Variants in WWOX observed in about 807,000 individuals in gnomAD.
WWOX encodes the protein WW domain containing oxidoreductase.
WWOX carries 69 observed loss-of-function variants against 46.2 expected under a neutral mutation model. The ratio of observed to expected loss-of-function variants is 1.49; its 90% CI spans 1.23 to 1.82. WWOX has a LOEUF of 1.82. Ranked by LOEUF, WWOX falls within the 40% of genes most tolerant of loss-of-function variation. The probability of loss-of-function intolerance (pLI) is 0.00; values close to 1 mark genes in which losing one functional copy is unlikely to be tolerated. For synonymous variants in WWOX, 359 were observed against 202.6 expected (o/e 1.77, Z -6.56); for missense variants, 919 against 542.6 (o/e 1.69, Z -6.89).
chr16:79,056,093 A>C (rs887517171), intron 8 of WWOX, among the ~76,000 whole-genome samples: 1 of 152,058 alleles, frequency 6.6e-6, no homozygotes, highest in Admixed American at 6.5e-5. Flanking sequence ...GTAAAAAAAA[A>C]GGAAAACCAC....
chr16:78,421,155 C>T (rs551220293), intron 6 of WWOX, among the ~76,000 whole-genome samples: 1 of 152,068 alleles, frequency 6.6e-6, no homozygotes, highest in African/African-American at 2.4e-5. Flanking sequence ...TTTTCTAAAG[C>T]TATTATAACA....
At chr16:79,057,624 C>T (rs1177100313) in intron 8 of WWOX, among the ~76,000 whole-genome samples, 1 of 151,966 alleles carries the variant, frequency 6.6e-6, no homozygotes, top group Non-Finnish European at 1.5e-5. Context: ...CCTTGAATGA[C>T]AATTTGGATT....
intron 8 of WWOX, among the ~76,000 whole-genome samples, chr16:78,881,717 G>T (rs537717971): frequency 6.6e-6 from 1 of 152,326 alleles, no homozygotes; most frequent in South Asian, 2.1e-4. Context: ...CACTTAAGAA[G>T]TAATAGAATG....
intron 8 of WWOX, among the ~76,000 whole-genome samples, chr16:78,566,443 A>G (rs565125489): frequency 2.0e-5 from 3 of 152,268 alleles, no homozygotes; most frequent in African/African-American, 4.8e-5. Context: ...CCAAAAACCA[A>G]GTTTTGCTGC....
intron 5 of WWOX, among the ~76,000 whole-genome samples, chr16:78,317,033 A>G (rs1231391456): frequency 1.3e-5 from 2 of 152,222 alleles, no homozygotes; most frequent in Non-Finnish European, 2.9e-5. Flanking sequence ...TTAGAATCCA[A>G]AGGTGAAGCC....
intron 5 of WWOX, among the ~76,000 whole-genome samples, chr16:78,338,711 T>G (rs1479691699): frequency 8.2e-6 from 1 of 121,936 alleles, no homozygotes; most frequent in Admixed American, 8.0e-5. Flanking sequence ...AAGCCTAATA[T>G]GTGATTGTCT....
intron 8 of WWOX, among the ~76,000 whole-genome samples, chr16:78,806,445 C>T (rs979179797): frequency 6.6e-6 from 1 of 152,188 alleles, no homozygotes; most frequent in Non-Finnish European, 1.5e-5. Flanking sequence ...AACAGCTTGT[C>T]TCTGCTCCAG....
intron 8 of WWOX, among the ~76,000 whole-genome samples, chr16:78,467,751 G>C (rs568829282): frequency 6.6e-6 from 1 of 152,288 alleles, no homozygotes; most frequent in African/African-American, 2.4e-5. Context: ...GCTGATAAAA[G>C]CTTGAATTAG....
chr16:78,849,285 G>A (rs898151201), intron 8 of WWOX, among the ~76,000 whole-genome samples: 4 of 152,042 alleles, frequency 2.6e-5, no homozygotes, highest in South Asian at 2.1e-4. Flanking sequence ...AAAACACAAC[G>A]ACAGGCCGGG....
chr16:78,562,049 CGTGGAGGCATA>C (rs1379041303), intron 8 of WWOX, among the ~76,000 whole-genome samples: 1 of 152,144 alleles, frequency 6.6e-6, no homozygotes, highest in Admixed American at 6.6e-5. Flanking sequence ...TTTTTAGCCC[CGTGGAGGCATA>C]TGCTGGGCAC....
At chr16:78,488,118 G>C (rs1373843428) in intron 8 of WWOX, among the ~76,000 whole-genome samples, 3 of 152,122 alleles carry the variant, frequency 2.0e-5, no homozygotes, top group African/African-American at 7.2e-5. Context: ...CAGGAAACTT[G>C]GTAATGTAGA....
At chr16:78,639,685 T>A (rs1215329636) in intron 8 of WWOX, among the ~76,000 whole-genome samples, 1 of 152,008 alleles carries the variant, frequency 6.6e-6, no homozygotes, top group South Asian at 2.1e-4. Flanking sequence ...TGCCTCAGCC[T>A]CTGGAGTAGC....
chr16:78,639,400 C>T (rs534007599), intron 8 of WWOX, among the ~76,000 whole-genome samples: 4 of 152,260 alleles, frequency 2.6e-5, no homozygotes, highest in East Asian at 3.9e-4. Flanking sequence ...GAATTATTCT[C>T]TCACTTTGCA....
At chr16:79,184,921 C>T (rs2050983477) in intron 8 of WWOX, among the ~76,000 whole-genome samples, 1 of 152,170 alleles carries the variant, frequency 6.6e-6, no homozygotes, top group African/African-American at 2.4e-5. Context: ...TAATCATTGG[C>T]TGTAGGGATT....
intron 5 of WWOX, among the ~76,000 whole-genome samples, chr16:78,321,907 A>G (rs529470375): frequency 6.6e-6 from 1 of 152,348 alleles, no homozygotes; most frequent in East Asian, 1.9e-4. Flanking sequence ...CCAACCAAAC[A>G]GATGCAAATG....
intron 8 of WWOX, among the ~76,000 whole-genome samples, chr16:78,434,939 G>C (rs1404285471): frequency 6.6e-6 from 1 of 151,800 alleles, no homozygotes; most frequent in South Asian, 2.1e-4. Flanking sequence ...ATAAAGTCAG[G>C]GTAAACATTT....
At chr16:78,599,925 G>T (rs951150423) in intron 8 of WWOX, among the ~76,000 whole-genome samples, 1 of 152,116 alleles carries the variant, frequency 6.6e-6, no homozygotes, top group African/African-American at 2.4e-5. Flanking sequence ...GGGTGTATTA[G>T]TCTGTTTCCT....
intron 7 of WWOX, among the ~76,000 whole-genome samples, chr16:78,429,306 G>C (rs1392835555): frequency 6.6e-6 from 1 of 152,188 alleles, no homozygotes; most frequent in Non-Finnish European, 1.5e-5. Flanking sequence ...ACTAGGAATG[G>C]TGTCATGGCC....
At chr16:79,094,643 T>C (rs2049033342) in intron 8 of WWOX, among the ~76,000 whole-genome samples, 1 of 152,176 alleles carries the variant, frequency 6.6e-6, no homozygotes, top group Non-Finnish European at 1.5e-5. Context: ...GTTTTTTCTT[T>C]TTTTTTTAAG....
Sources: gnomAD v4.1 joint callset for allele counts (sites outside exome capture counted in the v4.1 genomes callset) on GRCh38, gnomAD v4.1.1 for gene constraint, MANE v1.5 for transcripts, NCBI Gene and HGNC (gene_info 2026-07-23, HGNC 2026-07-21) for gene names.